The following PRDM11 variants were observed in gnomAD, a reference collection of about 807,000 sequenced individuals.
PRDM11 encodes the protein PR domain-containing protein 11.
In PRDM11, 20 loss-of-function variants were observed where a neutral mutation model predicts 97.8. The observed-to-expected ratio is 0.20, with a 90% confidence interval of 0.14 to 0.30. The LOEUF is 0.30. PRDM11 is among the 10% of genes least tolerant of loss of function. The probability of loss-of-function intolerance (pLI) is 1.00; values close to 1 mark genes in which losing one functional copy is unlikely to be tolerated. For missense variants in PRDM11, 1,139 were observed against 1,555.2 expected, an observed-to-expected ratio of 0.73 and a Z score of 4.50; for synonymous variants, 599 against 637.7, an observed-to-expected ratio of 0.94 and a Z score of 0.91.
At chr11:45,152,511 A>C (rs1402109855) in intron 1 of PRDM11, among the ~76,000 whole-genome samples, 1 of 152,174 alleles carries the variant, frequency 6.6e-6, no homozygotes, top group Non-Finnish European at 1.5e-5. Flanking sequence ...CATCATTTTA[A>C]TGCAAGTTCC....
Position 45,226,611 on chromosome 11 carries a change from G to T in PRDM11, c.1986G>T (p.Leu662=). The T allele has an allele frequency of 6.5e-7, 1 of 1,533,982 alleles. No individual in the cohort carries two copies. Among genetic ancestry groups the T allele is most frequent in the South Asian group, 1.2e-5 (1 of 83,974 alleles). The stretch of plus-strand genomic sequence containing the variant: ...AGTCACCTTGCCTCAGCGTCATCCT[G>T]GATGGGCAGAGCGACGACCTGCTGG... ...IRQSPCLSVI[L]DGQSDDLLAD... The change falls in exon 8 of 8, where the codon CTG becomes CTT. Residue 662 remains leucine, a synonymous_variant. Coordinates refer to ENST00000683152, the MANE Select transcript of PRDM11 (RefSeq NM_001384648.1).
rs548830700 is a variant in PRDM11, at chr11:45,225,083, G to A, written c.1369+240G>A. The A allele has an allele frequency of 1.6e-4, 228 of 1,436,336 alleles. No homozygotes were observed. The Middle Eastern group carries it at 2.1e-3, about 13-fold the overall frequency. 89.0% of individuals were successfully genotyped at this position (1,436,336 alleles called of 1,614,324 possible). A position where few individuals can be genotyped will look rare whatever the true frequency, so the allele number is the denominator to read the frequency against. On this transcript the variant is annotated intron_variant, in intron 7 of 7. Transcript: ENST00000683152. ...CCTCCTTGTCAATAAAGGAAGTTCC[G>A]CTGCAGAAGGGGTGTGTGCTGTGTT...
chr11:45,122,751 T>C (rs1334240817), intron 1 of PRDM11, among the ~76,000 whole-genome samples: 1 of 152,174 alleles, frequency 6.6e-6, no homozygotes, highest in Non-Finnish European at 1.5e-5. Context: ...TTGTTGGACA[T>C]TTGGGTTGGT....
intron 1 of PRDM11, among the ~76,000 whole-genome samples, chr11:45,178,434 A>G (rs965093595): frequency 1.3e-5 from 2 of 151,788 alleles, no homozygotes; most frequent in African/African-American, 2.4e-5. Flanking sequence ...CTAGTGCTCC[A>G]TCCTACCCCC....
Position 45,227,666 on chromosome 11 carries a change from A to G in PRDM11, c.3041A>G (p.Asp1014Gly). The G allele has an allele frequency of 6.5e-7, 1 of 1,533,880 alleles. No individual in the cohort carries two copies. The change falls in exon 8 of 8, where the codon GAT becomes GGT. Residue 1014 changes from aspartate to glycine, a missense_variant. Asp to Gly is a moderately conservative substitution (Grantham distance 94, BLOSUM62 -1). This residue lies in a region of PRDM11 where 710 missense variants were observed against 1,044.9 expected (regional missense o/e 0.68). Coordinates refer to ENST00000683152, the MANE Select transcript of PRDM11 (RefSeq NM_001384648.1). The surrounding 1 kb of genome is among the most constrained non-coding windows in gnomAD (Gnocchi z 8.0). The part of the protein sequence containing the change: ...YGKEDMVQIF[D>G]HLEAIPTFSR... ...AAGGAGGATATGGTGCAAATATTTG[A>G]TCACCTGGAGGCCATCCCGACCTTT...
chr11:45,110,836 C>A (rs7107896), intron 1 of PRDM11, among the ~76,000 whole-genome samples: 125,003 of 152,170 alleles, frequency 0.82, 52,168 homozygotes, highest in Middle Eastern at 0.88. Context: ...CCTTTCTTTG[C>A]GTTGCCCAGA....
upstream of PRDM11, among the ~76,000 whole-genome samples, chr11:45,143,851 C>A (rs1203856775): frequency 6.6e-6 from 1 of 152,208 alleles, no homozygotes; most frequent in Non-Finnish European, 1.5e-5. Context: ...TTCTCCTTCC[C>A]CTTCCCTTAA....
intron 5 of PRDM11, among the ~76,000 whole-genome samples, chr11:45,206,145 A>G (rs1853501390): frequency 6.6e-6 from 1 of 152,150 alleles, no homozygotes; most frequent in Non-Finnish European, 1.5e-5. Context: ...ACCTAGTTTG[A>G]GTCAGACTGT....
rs748026433 is a variant in PRDM11, at chr11:45,226,497, G to A, written c.1872G>A (p.Val624=). The change falls in exon 8 of 8, where the codon GTG becomes GTA. Residue 624 remains valine, a synonymous_variant. Transcript: ENST00000683152. ...ELLRKCELKV[V]DQYMNEGDCQ... The stretch of plus-strand genomic sequence containing the variant: ...TGAGGAAGTGTGAGCTCAAGGTGGT[G>A]GACCAGTACATGAATGAGGGAGACT... The A allele has an allele frequency of 3.7e-4, 560 of 1,533,866 alleles. No individual in the cohort carries two copies. Among genetic ancestry groups the A allele is most frequent in the Non-Finnish European group, 4.3e-4 (496 of 1,146,738 alleles).
At chr11:45,217,818 T>C (rs1292307647) in intron 5 of PRDM11, among the ~76,000 whole-genome samples, 1 of 152,240 alleles carries the variant, frequency 6.6e-6, no homozygotes, top group Non-Finnish European at 1.5e-5. Context: ...ATTCGTATAT[T>C]TCTTTTCTTT....
intron 1 of PRDM11, among the ~76,000 whole-genome samples, chr11:45,137,479 G>C (rs1276743930): frequency 6.6e-6 from 1 of 151,882 alleles, no homozygotes; most frequent in Non-Finnish European, 1.5e-5. Flanking sequence ...GGCTGGGTGT[G>C]GCGGCTCATG....
chr11:45,108,137 T>A (rs1279228027), intron 1 of PRDM11, among the ~76,000 whole-genome samples: 1 of 152,192 alleles, frequency 6.6e-6, no homozygotes, highest in Non-Finnish European at 1.5e-5. Context: ...CCTGGATTCA[T>A]CTTAATCTCG....
chr11:45,105,370 C>T (rs1852043435), intron 1 of PRDM11, among the ~76,000 whole-genome samples: 1 of 152,228 alleles, frequency 6.6e-6, no homozygotes, highest in Non-Finnish European at 1.5e-5. Flanking sequence ...CCACCAGGTG[C>T]TGCAAAAGCC....
At chr11:45,097,973 G>C (rs1469975090) in intron 1 of PRDM11, among the ~76,000 whole-genome samples, 1 of 152,260 alleles carries the variant, frequency 6.6e-6, no homozygotes, top group Non-Finnish European at 1.5e-5. Context: ...AAATGTGCTG[G>C]CTGGGATTGG....
intron 4 of PRDM11, among the ~76,000 whole-genome samples, chr11:45,201,099 G>A (rs1193270957): frequency 5.3e-5 from 8 of 152,096 alleles, no homozygotes; most frequent in African/African-American, 1.7e-4. Context: ...TGTGCAATTG[G>A]GAAGAAATAT....
chr11:45,205,871 C>T (rs1351216282), intron 5 of PRDM11, among the ~76,000 whole-genome samples: 1 of 152,170 alleles, frequency 6.6e-6, no homozygotes, highest in East Asian at 1.9e-4. Flanking sequence ...ATTACTTTAG[C>T]GTTCGCCCTC....
chr11:45,134,111 A>G (rs1306429018), intron 1 of PRDM11, among the ~76,000 whole-genome samples: 2 of 152,232 alleles, frequency 1.3e-5, no homozygotes, highest in South Asian at 4.1e-4. Context: ...AGCTCACATC[A>G]GCTACCAATG....
intron 2 of PRDM11, 126 bp downstream of exon 2, chr11:45,182,011 G>A: frequency 1.1e-6 from 1 of 899,976 alleles, no homozygotes; most frequent in Non-Finnish European, 1.7e-6. Context: ...GCTCCCGGCA[G>A]CTCCTGGGCG....
intron 6 of PRDM11, among the ~76,000 whole-genome samples, chr11:45,221,107 C>A (rs1854109013): frequency 6.6e-6 from 1 of 152,146 alleles, no homozygotes; most frequent in South Asian, 2.1e-4. Flanking sequence ...ATTAAGCTAT[C>A]TTTAAAAGCA....
Sources: gnomAD v4.1 joint callset for allele counts (sites outside exome capture counted in the v4.1 genomes callset) on GRCh38, gnomAD v4.1.1 for gene constraint, gnomAD v4.1.1 regional missense constraint, Gnocchi (gnomAD v3.1) non-coding constraint, MANE v1.5 for transcripts, NCBI Gene and HGNC (gene_info 2026-07-23, HGNC 2026-07-21) for gene names.